The following CSMD1 variants were observed in gnomAD, a reference collection of about 807,000 sequenced individuals.
CSMD1 encodes CUB and Sushi multiple domains 1.
CSMD1 carries 213 observed loss-of-function variants against 417.5 expected under a neutral mutation model. That is an observed-to-expected ratio of 0.51 (90% CI 0.46 to 0.57). The LOEUF (loss-of-function observed/expected upper bound fraction) is 0.57. Among genes scored for constraint, CSMD1 ranks in the 20% least tolerant of loss-of-function variants. The pLI, the probability that CSMD1 is intolerant of heterozygous loss-of-function variation, is 0.00. For synonymous variants in CSMD1, 2,862 were observed against 1,736.8 expected (o/e 1.65, Z -16.11); for missense variants, 6,923 against 4,529.7 (o/e 1.53, Z -15.17).
intron 3 of CSMD1, among the ~76,000 whole-genome samples, chr8:4,183,132 TATTTC>T (rs1798471906): frequency 6.6e-6 from 1 of 152,168 alleles, no homozygotes; most frequent in Admixed American, 6.5e-5. Context: ...GTGATAATTT[TATTTC>T]ATTTTAAAAG....
intron 11 of CSMD1, among the ~76,000 whole-genome samples, chr8:3,486,967 A>G (rs975152305): frequency 6.6e-6 from 1 of 152,134 alleles, no homozygotes; most frequent in African/African-American, 2.4e-5. Context: ...GCCATCCTGA[A>G]GCTTGCTACT....
In CSMD1 at chr8:4,395,658, C is replaced by A. The variant is rs567706884; in HGVS notation, c.415+24295G>T. ...CTTCTATCTAAATGTTTTGATAAGA[C>A]TCTGTTCCAAAAGCTAGGGAGACAT... On this transcript the variant is annotated intron_variant, in intron 3 of 69. Coordinates refer to ENST00000635120, the MANE Select transcript of CSMD1 (RefSeq NM_033225.6). Among the ~76,000 whole-genome samples, 100 of 144,304 alleles carry A rather than the reference C, an allele frequency of 6.9e-4. 1 individual carries two copies. The highest frequency in any genetic ancestry group is 2.7e-3 in the African/African-American group (91 of 34,094). The allele number at this position is 144,304 out of a possible 152,430, so 94.7% of individuals were successfully genotyped here.
At chr8:3,065,433 G>A (rs1383407370) in intron 49 of CSMD1, among the ~76,000 whole-genome samples, 1 of 152,012 alleles carries the variant, frequency 6.6e-6, no homozygotes, top group Non-Finnish European at 1.5e-5. Context: ...GAGATGATAG[G>A]AAGATAGATA....
intron 4 of CSMD1, among the ~76,000 whole-genome samples, chr8:4,025,110 C>A (rs2912268): frequency 6.6e-6 from 1 of 152,004 alleles, no homozygotes; most frequent in Non-Finnish European, 1.5e-5. Context: ...AAGGGGACAC[C>A]GAAGGGGCTG....
intron 1 of CSMD1, among the ~76,000 whole-genome samples, chr8:4,878,757 A>T (rs1803206743): frequency 6.6e-6 from 1 of 151,724 alleles, no homozygotes. Flanking sequence ...ATTCACAGTA[A>T]ATTTGTGGGT....
intron 25 of CSMD1, among the ~76,000 whole-genome samples, chr8:3,302,260 A>G (rs1490015760): frequency 6.6e-6 from 1 of 152,136 alleles, no homozygotes; most frequent in Non-Finnish European, 1.5e-5. Context: ...TGCTTTTCAG[A>G]TCCTGAAATA....
chr8:3,472,346 A>G (rs1817155218), intron 11 of CSMD1, among the ~76,000 whole-genome samples: 2 of 152,198 alleles, frequency 1.3e-5, no homozygotes, highest in Middle Eastern at 6.8e-3. Context: ...ACTTTCTGAA[A>G]CACACTTCCC....
chr8:3,441,266 G>C (rs895592487), intron 12 of CSMD1, among the ~76,000 whole-genome samples: 1 of 152,042 alleles, frequency 6.6e-6, no homozygotes, highest in Non-Finnish European at 1.5e-5. Context: ...AGCTTTGAGA[G>C]ACTGAATTTG....
At chr8:3,410,100 G>A (rs974535010) in intron 12 of CSMD1, among the ~76,000 whole-genome samples, 13 of 152,100 alleles carry the variant, frequency 8.5e-5, no homozygotes, top group African/African-American at 3.1e-4. Context: ...ATAACAGTTT[G>A]GTCTACAGAG....
intron 1 of CSMD1, among the ~76,000 whole-genome samples, chr8:4,750,139 G>T: frequency 6.6e-6 from 1 of 152,122 alleles, no homozygotes; most frequent in East Asian, 1.9e-4. Flanking sequence ...CCGAGTAGCT[G>T]GGACTACAGG....
intron 3 of CSMD1, among the ~76,000 whole-genome samples, chr8:4,296,198 C>A (rs1172826261): frequency 1.3e-5 from 2 of 152,130 alleles, no homozygotes; most frequent in Non-Finnish European, 2.9e-5. Context: ...TAGTCCTCAA[C>A]TCATCTCCAG....
At chr8:4,319,002 G>C (rs1038709983) in intron 3 of CSMD1, among the ~76,000 whole-genome samples, 2 of 152,112 alleles carry the variant, frequency 1.3e-5, no homozygotes, top group Admixed American at 6.5e-5. Context: ...ACAGCTTGAG[G>C]CCTTAAGTCT....
intron 10 of CSMD1, among the ~76,000 whole-genome samples, chr8:3,503,017 C>A (rs1026955312): frequency 6.6e-6 from 1 of 152,106 alleles, no homozygotes; most frequent in African/African-American, 2.4e-5. Context: ...GAAACTATGT[C>A]TTCTGATCAA....
chr8:4,077,088 A>G (rs937830234), intron 3 of CSMD1, among the ~76,000 whole-genome samples: 2 of 151,944 alleles, frequency 1.3e-5, no homozygotes, highest in East Asian at 1.9e-4. Context: ...TAAATGATAT[A>G]TATTTTAAGC....
chr8:4,157,349 T>C (rs766966031), intron 3 of CSMD1, among the ~76,000 whole-genome samples: 1 of 152,218 alleles, frequency 6.6e-6, no homozygotes, highest in Non-Finnish European at 1.5e-5. Context: ...ATATTTACCA[T>C]CATTTTCTTT....
chr8:4,066,500 T>A (rs1035636), intron 3 of CSMD1, among the ~76,000 whole-genome samples: 1 of 152,068 alleles, frequency 6.6e-6, no homozygotes, highest in African/African-American at 2.4e-5. Flanking sequence ...ATTGACTTGA[T>A]AGAAAACAAT....
In CSMD1 at chr8:4,625,466, A is replaced by G. The variant is rs541131563; in HGVS notation, c.302+11876T>C. Among the ~76,000 whole-genome samples, 119 of 152,166 alleles carry G rather than the reference A, an allele frequency of 7.8e-4. 1 individual carries two copies. The highest frequency in any genetic ancestry group is 1.5e-3 in the Non-Finnish European group (102 of 68,002). ...TGAGTCTACATTTATGAGCACAATC[A>G]TCGTAAATACTCTGAATGAATCCAC... On this transcript the variant is annotated intron_variant, in intron 2 of 69. Transcript: ENST00000635120.
intron 23 of CSMD1, among the ~76,000 whole-genome samples, chr8:3,324,360 T>G: frequency 7.3e-6 from 1 of 137,090 alleles, no homozygotes; most frequent in East Asian, 2.6e-4. Flanking sequence ...ACACATCTAA[T>G]CCCCAGGGAC....
chr8:4,655,799 A>G (rs1482835592), intron 1 of CSMD1, among the ~76,000 whole-genome samples: 1 of 152,172 alleles, frequency 6.6e-6, no homozygotes, highest in Non-Finnish European at 1.5e-5. Context: ...TCAATTACTC[A>G]AAGACCTCCA....
Sources: allele counts gnomAD v4.1 joint callset (sites outside exome capture counted in the v4.1 genomes callset), GRCh38; gene constraint gnomAD v4.1.1; transcripts MANE v1.5; gene names NCBI Gene and HGNC (gene_info 2026-07-23, HGNC 2026-07-21).